The following NRG3 variants were observed in gnomAD, a reference collection of about 807,000 sequenced individuals.
NRG3 encodes pro-neuregulin-3, membrane-bound isoform.
In NRG3, 31 loss-of-function variants were observed where a neutral mutation model predicts 66.9. The ratio of observed to expected loss-of-function variants is 0.46; its 90% CI spans 0.35 to 0.63. NRG3 has a LOEUF of 0.63. Ranked by LOEUF, NRG3 falls within the 20% of genes least tolerant of loss-of-function variation. NRG3 has a pLI of 0.00. For missense variants in NRG3, 910 were observed against 878.9 expected, an observed-to-expected ratio of 1.04 and a Z score of -0.45; for synonymous variants, 393 against 359.4, an observed-to-expected ratio of 1.09 and a Z score of -1.06.
At chr10:82,259,361 T>C (rs1012278463) in intron 1 of NRG3, among the ~76,000 whole-genome samples, 1 of 152,020 alleles carries the variant, frequency 6.6e-6, no homozygotes, top group Non-Finnish European at 1.5e-5. Flanking sequence ...GCCAGAGTCA[T>C]TAAGATAAAA....
chr10:82,406,876 G>A (rs1251808301), intron 2 of NRG3, among the ~76,000 whole-genome samples: 1 of 151,978 alleles, frequency 6.6e-6, no homozygotes, highest in Non-Finnish European at 1.5e-5. Context: ...CTATTCTCTA[G>A]GATGTAATTT....
At chr10:82,541,462 T>G (rs183376631) in intron 2 of NRG3, among the ~76,000 whole-genome samples, 94 of 152,082 alleles carry the variant, frequency 6.2e-4, no homozygotes, top group African/African-American at 2.0e-3. Flanking sequence ...CTCACAACTC[T>G]AAGGGGGTCC....
intron 1 of NRG3, among the ~76,000 whole-genome samples, chr10:82,041,282 G>GT (rs1589874106): frequency 6.6e-6 from 1 of 152,088 alleles, no homozygotes; most frequent in East Asian, 1.9e-4. Flanking sequence ...AGGTTTACAA[G>GT]TCTCCCTTGC....
chr10:82,243,313 A>G (rs1376748189), intron 1 of NRG3, among the ~76,000 whole-genome samples: 2 of 152,222 alleles, frequency 1.3e-5, no homozygotes, highest in Non-Finnish European at 2.9e-5. Context: ...AAACATGATC[A>G]TTACTGATAA....
At chr10:82,662,925 C>T (rs934347216) in intron 2 of NRG3, among the ~76,000 whole-genome samples, 2 of 152,140 alleles carry the variant, frequency 1.3e-5, no homozygotes, top group African/African-American at 4.8e-5. Context: ...AGAGCCCCAG[C>T]CGATGTAACT....
chr10:82,381,322 A>T (rs1209096597), intron 2 of NRG3, among the ~76,000 whole-genome samples: 1 of 152,218 alleles, frequency 6.6e-6, no homozygotes, highest in Non-Finnish European at 1.5e-5. Context: ...AAACGACAAC[A>T]TTACAGAGAT....
intron 2 of NRG3, among the ~76,000 whole-genome samples, chr10:82,593,835 AAT>A (rs2047119387): frequency 6.6e-6 from 1 of 151,878 alleles, no homozygotes. Context: ...ATATTTCTTT[AAT>A]ATATATGTGT....
intron 2 of NRG3, among the ~76,000 whole-genome samples, chr10:82,620,934 T>A (rs2049002633): frequency 6.6e-6 from 1 of 152,086 alleles, no homozygotes; most frequent in Admixed American, 6.6e-5. Flanking sequence ...TTAATAATAA[T>A]CTCTATATGC....
chr10:82,116,176 T>A (rs2067701781), intron 1 of NRG3, among the ~76,000 whole-genome samples: 1 of 152,084 alleles, frequency 6.6e-6, no homozygotes, highest in African/African-American at 2.4e-5. Flanking sequence ...AAAAATTTTT[T>A]TAGTAGTTAG....
intron 1 of NRG3, among the ~76,000 whole-genome samples, chr10:82,352,109 G>C (rs1308556187): frequency 6.6e-6 from 1 of 152,154 alleles, no homozygotes; most frequent in Non-Finnish European, 1.5e-5. Context: ...TTAGTGTGAG[G>C]ATATTCATTC....
intron 1 of NRG3, among the ~76,000 whole-genome samples, chr10:82,174,943 A>T (rs1482027309): frequency 6.6e-6 from 1 of 152,008 alleles, no homozygotes; most frequent in African/African-American, 2.4e-5. Context: ...AAACAGTACA[A>T]CCCTTTCCCA....
intron 2 of NRG3, among the ~76,000 whole-genome samples, chr10:82,460,710 G>C (rs1008326687): frequency 1.3e-5 from 2 of 152,104 alleles, no homozygotes; most frequent in South Asian, 4.2e-4. Flanking sequence ...AGTTCCAAGG[G>C]AGCACAGATA....
intron 6 of NRG3, among the ~76,000 whole-genome samples, chr10:82,962,938 T>C (rs1850814367): frequency 6.6e-6 from 1 of 152,208 alleles, no homozygotes; most frequent in Admixed American, 6.5e-5. Flanking sequence ...GTAATGTTTA[T>C]TGAACTCTGG....
At position 82,743,619 on chromosome 10, in the gene NRG3, C is replaced by T. The variant is rs536124833; in HGVS notation, c.1027+4969C>T. 9.9e-5 allele frequency among the ~76,000 whole-genome samples: 15 copies of T among 152,280 alleles called. 1 individual carries two copies. Among genetic ancestry groups the T allele is most frequent in the African/African-American group, 3.6e-4 (15 of 41,584 alleles). On this transcript the variant is annotated intron_variant, in intron 3 of 8. Transcript: ENST00000372141. ...ACCAAATCATGCCCAAGCTTGGTCT[C>T]CTTCCTCATGTTCCCAGGGATTGTC...
intron 3 of NRG3, among the ~76,000 whole-genome samples, chr10:82,755,644 A>G (rs920567575): frequency 3.9e-5 from 6 of 152,134 alleles, no homozygotes; most frequent in African/African-American, 1.4e-4. Flanking sequence ...ACCAAAGGAA[A>G]TTTGGGAAAT....
chr10:82,466,506 G>A (rs1372153391), intron 2 of NRG3, among the ~76,000 whole-genome samples: 1 of 152,148 alleles, frequency 6.6e-6, no homozygotes, highest in Admixed American at 6.5e-5. Flanking sequence ...ATTGGACTAG[G>A]AAAGTATAGG....
intron 2 of NRG3, among the ~76,000 whole-genome samples, chr10:82,584,392 G>T (rs1292951222): frequency 6.6e-6 from 1 of 152,094 alleles, no homozygotes; most frequent in African/African-American, 2.4e-5. Context: ...GGCCTGTTTT[G>T]TTTTTAATCT....
At chr10:82,325,058 A>AT (rs1437993555) in intron 1 of NRG3, among the ~76,000 whole-genome samples, 1 of 152,096 alleles carries the variant, frequency 6.6e-6, no homozygotes, top group Non-Finnish European at 1.5e-5. Flanking sequence ...AGTTCTATTG[A>AT]TTTTTGCTTC....
At chr10:82,443,265 A>T (rs2090538951) in intron 2 of NRG3, among the ~76,000 whole-genome samples, 1 of 152,122 alleles carries the variant, frequency 6.6e-6, no homozygotes, top group South Asian at 2.1e-4. Context: ...ATTACAAATG[A>T]TGAGTAGCCT....
Sources: allele counts gnomAD v4.1 joint callset (sites outside exome capture counted in the v4.1 genomes callset), GRCh38; gene constraint gnomAD v4.1.1; transcripts MANE v1.5; gene names NCBI Gene and HGNC (gene_info 2026-07-23, HGNC 2026-07-21).